The following SPAG16 variants were observed in gnomAD, a reference collection of about 807,000 sequenced individuals.
SPAG16 encodes sperm associated antigen 16.
In SPAG16, 86 loss-of-function variants were observed where a neutral mutation model predicts 80.4. The ratio of observed to expected loss-of-function variants is 1.07; its 90% CI spans 0.90 to 1.28. The LOEUF is 1.28. Among genes scored for constraint, SPAG16 ranks in the 50% most tolerant of loss-of-function variants. The pLI is 0.00. For missense variants in SPAG16, 870 were observed against 765.3 expected (o/e 1.14, Z -1.61); for synonymous variants, 294 against 265.9 (o/e 1.11, Z -1.03).
At chr2:213,871,835 A>G (rs2075957362) in intron 11 of SPAG16, among the ~76,000 whole-genome samples, 1 of 119,074 alleles carries the variant, frequency 8.4e-6, no homozygotes, top group African/African-American at 3.4e-5. Flanking sequence ...TACCTCAGGA[A>G]ATTCACACAC....
chr2:213,901,289 A>C (rs920621566), intron 11 of SPAG16, among the ~76,000 whole-genome samples: 1 of 152,208 alleles, frequency 6.6e-6, no homozygotes, highest in Non-Finnish European at 1.5e-5. Flanking sequence ...TTAGTCAGCT[A>C]TGTGATTTTC....
intron 4 of SPAG16, among the ~76,000 whole-genome samples, chr2:213,315,513 A>T (rs925885829): frequency 6.6e-6 from 1 of 151,886 alleles, no homozygotes; most frequent in Non-Finnish European, 1.5e-5. Flanking sequence ...AATATCTCAC[A>T]TTTTAAAAAA....
At chr2:213,543,257 T>G (rs2076512848) in intron 10 of SPAG16, among the ~76,000 whole-genome samples, 1 of 152,052 alleles carries the variant, frequency 6.6e-6, no homozygotes, top group South Asian at 2.1e-4. Flanking sequence ...AATGGTCATT[T>G]CATATCTTTT....
chr2:214,256,164 A>C (rs942449246), intron 15 of SPAG16, among the ~76,000 whole-genome samples: 1 of 151,924 alleles, frequency 6.6e-6, no homozygotes, highest in African/African-American at 2.4e-5. Flanking sequence ...ATTAGTATCT[A>C]ATAGTAGTTT....
intron 10 of SPAG16, among the ~76,000 whole-genome samples, chr2:213,816,153 T>C (rs543772279): frequency 1.1e-4 from 17 of 152,324 alleles, no homozygotes; most frequent in African/African-American, 3.8e-4. Flanking sequence ...TTTGAAACTT[T>C]CATAAATGGA....
At chr2:213,526,636 G>A (rs2075897325) in intron 10 of SPAG16, among the ~76,000 whole-genome samples, 1 of 152,092 alleles carries the variant, frequency 6.6e-6, no homozygotes, top group Admixed American at 6.5e-5. Context: ...ACCATATTTT[G>A]TTCCCTCTTG....
intron 12 of SPAG16, among the ~76,000 whole-genome samples, chr2:213,975,022 A>G (rs961832079): frequency 6.6e-6 from 1 of 151,264 alleles, no homozygotes; most frequent in Non-Finnish European, 1.5e-5. Flanking sequence ...AGAAATTACA[A>G]TAGTCTTTTT....
intron 15 of SPAG16, among the ~76,000 whole-genome samples, chr2:214,177,412 T>G (rs1373655168): frequency 6.6e-6 from 1 of 151,102 alleles, no homozygotes; most frequent in East Asian, 1.9e-4. Flanking sequence ...GGACCTATGG[T>G]TCTACCAGCA....
At chr2:214,188,971 A>G (rs1224931693) in intron 15 of SPAG16, among the ~76,000 whole-genome samples, 1 of 152,106 alleles carries the variant, frequency 6.6e-6, no homozygotes, top group African/African-American at 2.4e-5. Context: ...CATTTTATAC[A>G]TAGCAACATC....
At chr2:213,285,929 A>T (rs1476345186) in intron 1 of SPAG16, 5 of 1,288,320 alleles carry the variant, frequency 3.9e-6, no homozygotes, top group Admixed American at 4.6e-5. Flanking sequence ...GTAACCAGGC[A>T]TCTTGTAATT....
intron 15 of SPAG16, among the ~76,000 whole-genome samples, chr2:214,285,044 C>A (rs1287314441): frequency 6.6e-6 from 1 of 152,078 alleles, no homozygotes; most frequent in Non-Finnish European, 1.5e-5. Context: ...TTTTGAGGAA[C>A]CTCCATACTG....
intron 15 of SPAG16, among the ~76,000 whole-genome samples, chr2:214,347,261 A>G (rs917387047): frequency 6.6e-6 from 1 of 151,554 alleles, no homozygotes; most frequent in Non-Finnish European, 1.5e-5. Flanking sequence ...ACATCTGAGC[A>G]GAGTGTTGAA....
chr2:213,580,059 G>A (rs1010565262), intron 10 of SPAG16, among the ~76,000 whole-genome samples: 1 of 151,624 alleles, frequency 6.6e-6, no homozygotes, highest in Non-Finnish European at 1.5e-5. Flanking sequence ...CCCCAACTTC[G>A]TTCCCCCTGA....
intron 15 of SPAG16, among the ~76,000 whole-genome samples, chr2:214,395,788 T>C (rs372222874): frequency 6.6e-6 from 1 of 152,076 alleles, no homozygotes; most frequent in African/African-American, 2.4e-5. Flanking sequence ...CAGTATTTGG[T>C]TTTCTGTTCC....
chr2:214,318,373 CTTTTTTTTTTTTT>C (rs34923875), intron 15 of SPAG16, among the ~76,000 whole-genome samples: 1 of 69,804 alleles, frequency 1.4e-5, no homozygotes, highest in Admixed American at 1.9e-4. Flanking sequence ...AGAGTGAATT[CTTTTTTTTTTTTT>C]TTTTTTTTTT....
intron 10 of SPAG16, among the ~76,000 whole-genome samples, chr2:213,577,387 C>G (rs2060163241): frequency 6.6e-6 from 1 of 152,102 alleles, no homozygotes; most frequent in Admixed American, 6.6e-5. Flanking sequence ...CTTACATTCC[C>G]TTTTGGGATC....
chr2:213,395,809 G>T (rs2068000462), intron 9 of SPAG16, among the ~76,000 whole-genome samples: 1 of 152,144 alleles, frequency 6.6e-6, no homozygotes, highest in Non-Finnish European at 1.5e-5. Context: ...ACTTTGGCTG[G>T]ATAGAACATC....
intron 10 of SPAG16, among the ~76,000 whole-genome samples, chr2:213,519,710 A>G (rs905502547): frequency 6.6e-6 from 1 of 152,160 alleles, no homozygotes; most frequent in Admixed American, 6.5e-5. Context: ...CCTAGAAACA[A>G]ACTCTCTTCA....
chr2:213,752,521 TAGTG>T (rs907972471), intron 10 of SPAG16, among the ~76,000 whole-genome samples: 7 of 152,238 alleles, frequency 4.6e-5, no homozygotes, highest in African/African-American at 1.2e-4. Context: ...TCTTTAAACA[TAGTG>T]AGATCGGAAA....
Sources: gnomAD v4.1 joint callset for allele counts (sites outside exome capture counted in the v4.1 genomes callset) on GRCh38, gnomAD v4.1.1 for gene constraint, MANE v1.5 for transcripts, NCBI Gene and HGNC (gene_info 2026-07-23, HGNC 2026-07-21) for gene names.